Variants in HDAC9 observed in about 807,000 individuals in gnomAD.
HDAC9 encodes MEF-2 interacting transcription repressor (MITR) protein.
Under a neutral mutation model 139.4 loss-of-function variants are expected in HDAC9, and 41 were observed. The observed-to-expected ratio is 0.29, with a 90% confidence interval of 0.23 to 0.38. HDAC9 has a LOEUF of 0.38. Among genes scored for constraint, HDAC9 ranks in the 10% least tolerant of loss-of-function variants. HDAC9 has a pLI of 1.00. For missense variants in HDAC9, 1,147 were observed against 1,297.0 expected (o/e 0.88, Z 1.78); for synonymous variants, 517 against 476.2 (o/e 1.09, Z -1.12).
At chr7:18,296,429 T>TGC in intron 1 of HDAC9, among the ~76,000 whole-genome samples, 1 of 151,290 alleles carries the variant, frequency 6.6e-6, no homozygotes, top group African/African-American at 2.4e-5. Flanking sequence ...CATATTTGTG[T>TGC]GTGTGTGTGT....
chr7:18,860,801 T>G (rs1004079351), intron 21 of HDAC9, among the ~76,000 whole-genome samples: 3 of 152,036 alleles, frequency 2.0e-5, no homozygotes, highest in Non-Finnish European at 4.4e-5. Context: ...TAAGGAAGGG[T>G]GTATTTTATT....
At chr7:18,440,237 T>G (rs1406428775) in intron 1 of HDAC9, among the ~76,000 whole-genome samples, 1 of 150,408 alleles carries the variant, frequency 6.6e-6, no homozygotes, top group Non-Finnish European at 1.5e-5. Context: ...CAGGCTGGAG[T>G]GCAGTGGTGC....
In HDAC9 at chr7:18,145,255, G is replaced by C. The variant is rs149591973; in HGVS notation, c.-96-16974G>C. Among the ~76,000 whole-genome samples, 515 of 152,264 alleles carry C rather than the reference G, an allele frequency of 3.4e-3. 2 individuals are homozygous for C. Among genetic ancestry groups the C allele is most frequent in the Non-Finnish European group, 5.9e-3 (401 of 68,028 alleles). The stretch of plus-strand genomic sequence containing the variant: ...TTTGCTTTCATGGAGCTTGTAGTCT[G>C]GTATAGTCTGATGTAGGCAAGCACT... On this transcript the variant is annotated intron_variant, in intron 1 of 12. Coordinates refer to the HDAC9 transcript ENST00000417496.
intron 2 of HDAC9, among the ~76,000 whole-genome samples, chr7:18,510,141 A>G (rs1250392220): frequency 1.3e-5 from 2 of 152,210 alleles, no homozygotes; most frequent in Non-Finnish European, 2.9e-5. Context: ...AATTAAAATT[A>G]TTCATTATAG....
chr7:18,410,542 T>A (rs1788446990), intron 1 of HDAC9, among the ~76,000 whole-genome samples: 1 of 152,224 alleles, frequency 6.6e-6, no homozygotes, highest in Non-Finnish European at 1.5e-5. Context: ...ACTATTTACA[T>A]GTTATATACA....
intron 2 of HDAC9, among the ~76,000 whole-genome samples, chr7:18,167,385 A>G (rs1462212508): frequency 6.6e-6 from 1 of 152,068 alleles, no homozygotes; most frequent in Non-Finnish European, 1.5e-5. Context: ...AATGTTCAGT[A>G]TAAATTTGTT....
At chr7:18,834,607 C>T (rs1796097306) in intron 19 of HDAC9, among the ~76,000 whole-genome samples, 1 of 150,038 alleles carries the variant, frequency 6.7e-6, no homozygotes, top group Non-Finnish European at 1.5e-5. Flanking sequence ...GTAAAGAAAG[C>T]TATGATATGA....
chr7:18,719,541 C>A (rs868633424), intron 12 of HDAC9, among the ~76,000 whole-genome samples: 1 of 151,828 alleles, frequency 6.6e-6, no homozygotes, highest in African/African-American at 2.4e-5. Context: ...GGTTTCACCA[C>A]GTTGGCCAGG....
At chr7:18,967,496 G>C (rs1563092876) in intron 24 of HDAC9, among the ~76,000 whole-genome samples, 23 of 104,768 alleles carry the variant, frequency 2.2e-4, no homozygotes, top group African/African-American at 5.2e-4. Flanking sequence ...AAATAAAGTT[G>C]CCCCCCCCCC....
At chr7:18,701,412 C>CAAAA (rs147870191) in intron 12 of HDAC9, among the ~76,000 whole-genome samples, 1 of 84,790 alleles carries the variant, frequency 1.2e-5, no homozygotes, top group African/African-American at 5.5e-5. Flanking sequence ...AAAAACAAAA[C>CAAAA]AAACAAAAAA....
intron 8 of HDAC9, among the ~76,000 whole-genome samples, chr7:18,636,385 C>G (rs1376327784): frequency 2.0e-5 from 3 of 152,022 alleles, no homozygotes; most frequent in Non-Finnish European, 4.4e-5. Context: ...TTGTGTAGAT[C>G]TGTAGCCCAA....
rs566060759 is a variant in HDAC9 at position 18,776,247 on chromosome 7, C to A, written c.2214+9092C>A. Reference sequence around the variant, plus strand: ...CCTGAACCACTGTGCCTGGCAAATTCTCATTCCAAGAGCTAGGAAGCGCAG... The same window carrying A: ...CCTGAACCACTGTGCCTGGCAAATTATCATTCCAAGAGCTAGGAAGCGCAG... On this transcript the variant is annotated intron_variant, in intron 16 of 25. Transcript: ENST00000686413. Among the ~76,000 whole-genome samples the A allele has an allele frequency of 1.4e-3, 207 of 152,106 alleles. 1 individual carries two copies. Among genetic ancestry groups the A allele is most frequent in the Middle Eastern group, 6.8e-3 (2 of 294 alleles).
chr7:18,459,884 A>G (rs1793681671), intron 1 of HDAC9, among the ~76,000 whole-genome samples: 1 of 151,602 alleles, frequency 6.6e-6, no homozygotes, highest in African/African-American at 2.4e-5. Flanking sequence ...TCAGATAGTC[A>G]GTTTGCATAC....
chr7:18,428,081 T>C (rs1790295640), intron 1 of HDAC9, among the ~76,000 whole-genome samples: 1 of 152,232 alleles, frequency 6.6e-6, no homozygotes, highest in African/African-American at 2.4e-5. Context: ...TTTTTAAGGC[T>C]GAATAATATT....
At chr7:18,381,193 T>C (rs1415090125) in intron 1 of HDAC9, among the ~76,000 whole-genome samples, 1 of 65,382 alleles carries the variant, frequency 1.5e-5, no homozygotes, top group African/African-American at 6.9e-5. Context: ...AGCAAGACTC[T>C]GTCTCAAAAA....
intron 6 of HDAC9, among the ~76,000 whole-genome samples, chr7:18,604,604 T>A (rs755923294): frequency 2.6e-5 from 4 of 152,014 alleles, no homozygotes; most frequent in Non-Finnish European, 5.9e-5. Context: ...TTTCACCATG[T>A]TAGCCAGGAT....
intron 1 of HDAC9, among the ~76,000 whole-genome samples, chr7:18,401,615 A>G (rs924278005): frequency 1.3e-5 from 2 of 152,184 alleles, no homozygotes; most frequent in African/African-American, 4.8e-5. Context: ...TCTTGTTATA[A>G]TTGTGCTCAA....
rs1312050703 is a variant in HDAC9, at chr7:18,202,206, A to C, written c.25+39857A>C. ...AATTAAGTAAAATTTCAGATCACAG[A>C]ACTCTCTTGGAAATTTTAGTTGATT... is the stretch of plus-strand genomic sequence containing the variant. On this transcript the variant is annotated intron_variant, in intron 2 of 12. Transcript: ENST00000417496. 1.3e-5 allele frequency among the ~76,000 whole-genome samples: 2 copies of C among 152,226 alleles called. 1 individual carries two copies.
chr7:18,758,020 C>G (rs771160743), intron 14 of HDAC9, among the ~76,000 whole-genome samples: 1 of 152,122 alleles, frequency 6.6e-6, no homozygotes, highest in Non-Finnish European at 1.5e-5. Flanking sequence ...GTGAGCATAG[C>G]TCCTTTTCAG....
Sources: gnomAD v4.1 joint callset for allele counts (sites outside exome capture counted in the v4.1 genomes callset) on GRCh38, gnomAD v4.1.1 for gene constraint, MANE v1.5 for transcripts, NCBI Gene and HGNC (gene_info 2026-07-23, HGNC 2026-07-21) for gene names.